The following DOP1A variants were observed in gnomAD, a reference collection of about 807,000 sequenced individuals.
The protein encoded by DOP1A is DOP1 leucine zipper like protein A.
A neutral mutation model predicts 267.6 loss-of-function variants in DOP1A; 90 were observed. That is an observed-to-expected ratio of 0.34 (90% CI 0.28 to 0.40). DOP1A has a LOEUF of 0.40. DOP1A is among the 10% of genes least tolerant of loss of function. The pLI, the probability that DOP1A is intolerant of heterozygous loss-of-function variation, is 1.00. For synonymous variants in DOP1A, 932 were observed against 999.1 expected (o/e 0.93, Z 1.27); for missense variants, 2,437 against 2,900.4 (o/e 0.84, Z 3.67).
intron 27 of DOP1A, 124 bp downstream of exon 27, chr6:83,148,987 G>A (rs1421031528): frequency 1.5e-5 from 8 of 539,034 alleles, no homozygotes; most frequent in Admixed American, 8.7e-5. Context: ...GTGTTCTTGA[G>A]ATGCAAAACT....
rs540698058 is a variant in DOP1A, at chr6:83,073,602, TGTTAA to T, written c.-147+5828_-147+5832del. On this transcript the variant is annotated intron_variant, in intron 1 of 38. Transcript: ENST00000349129. ...AAAATATTATTTGGGAATAAACTGT[TGTTAA>T]GTTATCTATTGCTACATGACAAATT... 8.8e-4 allele frequency among the ~76,000 whole-genome samples: 134 copies of T among 152,336 alleles called. 1 individual carries two copies. The South Asian group carries it at 0.013, about 15-fold the overall frequency.
At chr6:83,069,946 G>A (rs1322548780) in intron 1 of DOP1A, among the ~76,000 whole-genome samples, 1 of 152,168 alleles carries the variant, frequency 6.6e-6, no homozygotes, top group African/African-American at 2.4e-5. Flanking sequence ...TATTTTAAGA[G>A]CTTATATCAT....
Position 83,137,985 on chromosome 6 carries a change from A to G in DOP1A, c.3943A>G (p.Asn1315Asp), listed in dbSNP as rs760201604. The change falls in exon 21 of 39, where the codon AAT (asparagine) becomes GAT (aspartate). Residue 1315 changes from asparagine (N) to aspartate (D), a missense_variant. Asn to Asp is a conservative substitution (Grantham distance 23). Coordinates refer to ENST00000349129, the MANE Select transcript of DOP1A (RefSeq NM_015018.4). ...GGATGATGACAAGAAAAAATCTTCA[A>G]ATGAAAAACTCAAACAAACCAGTGT... ...KKDDDKKKSS[N>D]EKLKQTSVFF... 1 of 1,606,036 alleles carries G rather than the reference A, an allele frequency of 6.2e-7. No homozygotes were observed. Among genetic ancestry groups the G allele is most frequent in the Non-Finnish European group, 8.5e-7 (1 of 1,177,632 alleles).
At chr6:83,131,614 G>A (rs753381336) in intron 17 of DOP1A, among the ~76,000 whole-genome samples, 39 of 151,544 alleles carry the variant, frequency 2.6e-4, no homozygotes, top group South Asian at 4.2e-4. Context: ...ACTAAATAAC[G>A]AAATGGGGTC....
At chr6:83,158,932 A>G (rs1319813380) in intron 36 of DOP1A, among the ~76,000 whole-genome samples, 1 of 152,208 alleles carries the variant, frequency 6.6e-6, no homozygotes, top group Non-Finnish European at 1.5e-5. Flanking sequence ...TGCAACATAT[A>G]GCCAACCCTG....
chr6:83,121,990 A>T lies in DOP1A; in HGVS notation c.1160A>T (p.Lys387Ile). 1 of 1,611,690 alleles carries T rather than the reference A, an allele frequency of 6.2e-7. No individual in the cohort carries two copies. The highest frequency in any genetic ancestry group is 8.5e-7 in the Non-Finnish European group (1 of 1,178,202). Reference protein sequence around the residue: ...EVFRTLYSQCKAELDLQTEPP... With the variant: ...EVFRTLYSQCIAELDLQTEPP... ...TTTAGAACATTATATTCTCAATGCA[A>T]AGCAGAGTTGGATCTTCAAACTGAA... is the stretch of plus-strand genomic sequence containing the variant. The change falls in exon 11 of 39, where the codon AAA becomes ATA. Residue 387 changes from lysine (K) to isoleucine (I), a missense_variant. Lys to Ile is a moderately radical substitution (Grantham distance 102, BLOSUM62 -3). Transcript: ENST00000349129.
rs138086254 is a variant in DOP1A at position 83,079,169 on chromosome 6, A to G, written c.-147+11390A>G. Among the ~76,000 whole-genome samples, 7 of 152,334 alleles carry G rather than the reference A, an allele frequency of 4.6e-5. No homozygotes were observed. In the East Asian group the frequency reaches 1.3e-3, roughly 29 times the overall value. On this transcript the variant is annotated intron_variant, in intron 1 of 38. Transcript: ENST00000349129. ...ACAGATACATGCATGGTCTGTGTCC[A>G]GGGTGAACCCTTTTTTAAAAAAGCA... is the stretch of plus-strand genomic sequence containing the variant.
intron 1 of DOP1A, among the ~76,000 whole-genome samples, chr6:83,092,994 A>G (rs1207192108): frequency 2.0e-5 from 3 of 152,226 alleles, no homozygotes. Flanking sequence ...AACCCCACAG[A>G]CAGTGAAAAT....
chr6:83,154,800 AAAAG>A (rs1782426075), intron 33 of DOP1A, among the ~76,000 whole-genome samples: 2 of 152,176 alleles, frequency 1.3e-5, no homozygotes, highest in East Asian at 1.9e-4. Context: ...CATCTGAAAA[AAAAG>A]AGTTTTAAAA....
At chr6:83,144,495 A>G (rs1780158260) in intron 24 of DOP1A, among the ~76,000 whole-genome samples, 1 of 152,228 alleles carries the variant, frequency 6.6e-6, no homozygotes, top group African/African-American at 2.4e-5. Context: ...CAAACAAAGC[A>G]GTTTATTAGC....
rs1258768590 is a variant in DOP1A, at chr6:83,140,210, A to C, written c.5233-11A>C. 2 of 1,606,976 alleles carry C rather than the reference A, an allele frequency of 1.2e-6. No homozygotes were observed. Among genetic ancestry groups the C allele is most frequent in the African/African-American group, 1.3e-5 (1 of 74,682 alleles). ...TAAGTAATATGTTTCTTTTCCCCCA[A>C]CTGTTAATAGCTTTTGGTCAGTGTA... is the stretch of plus-strand genomic sequence containing the variant. On this transcript the variant is annotated splice_polypyrimidine_tract_variant and intron_variant, in intron 22 of 38. Coordinates refer to ENST00000349129, the MANE Select transcript of DOP1A (RefSeq NM_015018.4).
intron 4 of DOP1A, among the ~76,000 whole-genome samples, chr6:83,107,663 G>C (rs1773868359): frequency 1.3e-5 from 2 of 152,196 alleles, no homozygotes; most frequent in Non-Finnish European, 2.9e-5. Flanking sequence ...ATCAAATAGG[G>C]GGCCTAACCT....
intron 24 of DOP1A, among the ~76,000 whole-genome samples, chr6:83,142,554 A>G (rs1779832571): frequency 1.3e-5 from 2 of 152,088 alleles, no homozygotes; most frequent in South Asian, 4.1e-4. Context: ...TTTGAGGTCA[A>G]ATATAAAAGA....
chr6:83,116,492 G>A lies in DOP1A; in HGVS notation c.781-2396G>A, dbSNP rs570928439. On this transcript the variant is annotated intron_variant, in intron 7 of 38. Coordinates refer to ENST00000349129, the MANE Select transcript of DOP1A (RefSeq NM_015018.4). ...AAACTTTTAAGCCCAGTATTGAGAA[G>A]CTTTCAACCAATTCAAATCAAAACA... Among the ~76,000 whole-genome samples the A allele has an allele frequency of 3.9e-5, 6 of 152,192 alleles. No homozygotes were observed. In the South Asian group the frequency reaches 1.2e-3, roughly 32 times the overall value.
Position 83,110,218 on chromosome 6 carries a change from G to C in DOP1A, c.585G>C (p.Val195=). The change falls in exon 6 of 39, where the codon GTG becomes GTC. Residue 195 remains valine (V), a synonymous_variant. Coordinates refer to ENST00000349129, the MANE Select transcript of DOP1A (RefSeq NM_015018.4). ...GTAGTCTTCTCACCAGTCCTGCTGT[G>C]CGTTTACCTGGAATCACGTATGTTC... ...LWGSLLTSPA[V]RLPGITYVLA... 6.2e-7 allele frequency: 1 copy of C among 1,613,978 alleles called. No individual in the cohort carries two copies. Among genetic ancestry groups the C allele is most frequent in the South Asian group, 1.1e-5 (1 of 91,074 alleles).
rs146928332 is a variant in DOP1A, at chr6:83,137,258, G to C, written c.3216G>C (p.Val1072=). 20 of 1,613,148 alleles carry C rather than the reference G, an allele frequency of 1.2e-5. No individual in the cohort carries two copies. The highest frequency in any genetic ancestry group is 3.3e-5 in the Admixed American group (2 of 59,950). Reference sequence around the variant, plus strand: ...AAATAGAGAACTTTAGTCTCACTGTGAATCCATTAAGTGACAGACTTTCCC... The same window carrying C: ...AAATAGAGAACTTTAGTCTCACTGTCAATCCATTAAGTGACAGACTTTCCC... ...MDEIENFSLT[V]NPLSDRLSLL... is the part of the protein sequence containing the mutation. Residue 1072 remains valine, a synonymous_variant, in exon 21 of 39, where the codon GTG becomes GTC. Coordinates refer to ENST00000349129, the MANE Select transcript of DOP1A (RefSeq NM_015018.4).
At chr6:83,135,943 C>T (rs1778804569) in intron 20 of DOP1A, 65 bp downstream of exon 20, 2 of 1,536,454 alleles carry the variant, frequency 1.3e-6, no homozygotes, top group South Asian at 2.5e-5. Context: ...TACATGAATA[C>T]AACAGTAATT....
intron 22 of DOP1A, 37 bp downstream of exon 22, chr6:83,140,148 CTG>C (rs1412327073): frequency 6.2e-7 from 1 of 1,603,808 alleles, no homozygotes. Flanking sequence ...TTTTGAAAGA[CTG>C]TGAGGTCTAA....
At chr6:83,093,731 C>T (rs1453894635) in intron 1 of DOP1A, among the ~76,000 whole-genome samples, 5 of 152,096 alleles carry the variant, frequency 3.3e-5, no homozygotes, top group Non-Finnish European at 4.4e-5. Context: ...CGTGGTGAAA[C>T]CCCATCTCTA....
Sources: gnomAD v4.1 joint callset for allele counts (sites outside exome capture counted in the v4.1 genomes callset) on GRCh38, gnomAD v4.1.1 for gene constraint, MANE v1.5 for transcripts, NCBI Gene and HGNC (gene_info 2026-07-23, HGNC 2026-07-21) for gene names.